Variants in AP3M2 observed in about 807,000 individuals in gnomAD.
The protein encoded by AP3M2 is adaptor related protein complex 3 subunit mu 2, also known as AP-3 complex subunit mu-2.
AP3M2 carries 28 observed loss-of-function variants against 41.6 expected under a neutral mutation model. The ratio of observed to expected loss-of-function variants is 0.67; its 90% CI spans 0.50 to 0.92. The LOEUF is 0.92. Ranked by LOEUF, AP3M2 falls within the 40% of genes least tolerant of loss-of-function variation. AP3M2 has a pLI of 0.00. For synonymous variants in AP3M2, 193 were observed against 186.4 expected, an observed-to-expected ratio of 1.04 and a Z score of -0.29; for missense variants, 427 against 521.4, an observed-to-expected ratio of 0.82 and a Z score of 1.76.
intron 3 of AP3M2, among the ~76,000 whole-genome samples, chr8:42,159,873 G>A (rs1804458259): frequency 6.6e-6 from 1 of 152,150 alleles, no homozygotes; most frequent in African/African-American, 2.4e-5. Flanking sequence ...GAATTACAAA[G>A]GGGTTGTTGG....
At position 42,165,159 on chromosome 8, in the gene AP3M2, A is replaced by G; in HGVS notation, c.669+3A>G. ...CAGACCTTACACTTTCCTTCATGGTAAAATCCTGGGCCAGAGATTAAGTTC... is the reference window on the plus strand; with the variant it reads ...CAGACCTTACACTTTCCTTCATGGTGAAATCCTGGGCCAGAGATTAAGTTC... On this transcript the variant is annotated splice_donor_region_variant and intron_variant, in intron 5 of 8. Transcript: ENST00000396926. The G allele has an allele frequency of 6.2e-7, 1 of 1,613,078 alleles. No homozygotes were observed.
Position 42,158,536 on chromosome 8 carries a change from A to T in AP3M2, c.445+424A>T, listed in dbSNP as rs191678598. On this transcript the variant is annotated intron_variant, in intron 3 of 8. Transcript: ENST00000396926. ...AGTGCTGGGATTACAGGTGTGAGCC[A>T]CCGCGCCTGGCCCCTCTTGTAGACT... 1.6e-4 allele frequency among the ~76,000 whole-genome samples: 24 copies of T among 152,244 alleles called. No individual in the cohort carries two copies. The East Asian group carries it at 4.1e-3, about 26-fold the overall frequency.
At chr8:42,164,114 G>A (rs974302154) in intron 4 of AP3M2, among the ~76,000 whole-genome samples, 3 of 152,204 alleles carry the variant, frequency 2.0e-5, no homozygotes, top group African/African-American at 7.2e-5. Context: ...AGTGCAATGA[G>A]GACAGAGAGG....
intron 2 of AP3M2, among the ~76,000 whole-genome samples, chr8:42,156,869 T>A (rs569702269): frequency 6.6e-6 from 1 of 152,064 alleles, no homozygotes; most frequent in African/African-American, 2.4e-5. Flanking sequence ...AGAAAAAAAC[T>A]GAGGTGAAAA....
Position 42,170,845 on chromosome 8 carries a change from A to G in AP3M2, c.*1784A>G, listed in dbSNP as rs1291436526. On this transcript the variant is annotated 3_prime_UTR_variant, in exon 9 of 9. Coordinates refer to ENST00000396926, the MANE Select transcript of AP3M2 (RefSeq NM_006803.4). ...AACCTACAGGATTCTAAGGTTTCCT[A>G]GGTCACTGAACAACTAATCTTGGTC... is the stretch of plus-strand genomic sequence containing the variant. 1 of 152,264 alleles carries G rather than the reference A, an allele frequency of 6.6e-6. No individual in the cohort carries two copies. Among genetic ancestry groups the G allele is most frequent in the Non-Finnish European group, 1.5e-5 (1 of 68,054 alleles). The allele number at this position is 152,264 out of a possible 1,614,324, so 9.4% of individuals were successfully genotyped here.
chr8:42,154,280 A>G (rs745355214), intron 1 of AP3M2: 2 of 180,254 alleles, frequency 1.1e-5, no homozygotes, highest in Non-Finnish European at 2.4e-5. Flanking sequence ...TCTTCAAAGA[A>G]CACTGATTGT....
In AP3M2 at chr8:42,158,120, A is replaced by G. The variant is rs79099713; in HGVS notation, c.445+8A>G. 4,236 of 1,611,164 alleles carry G rather than the reference A, an allele frequency of 2.6e-3. 102 individuals carry two copies. The African/African-American group carries it at 0.051, about 19-fold the overall frequency. On this transcript the variant is annotated splice_region_variant and intron_variant, in intron 3 of 8. Transcript: ENST00000396926. ...TTGTCAACACCATCACAGGTACGGC[A>G]GAGGGGGAAACTGATAGATAGTGGC...
chr8:42,154,872 A>G lies in AP3M2; in HGVS notation c.185A>G (p.His62Arg), dbSNP rs200625246. The G allele has an allele frequency of 6.2e-7, 1 of 1,614,148 alleles. No homozygotes were observed. Among genetic ancestry groups the G allele is most frequent in the Non-Finnish European group, 8.5e-7 (1 of 1,180,008 alleles). The stretch of plus-strand genomic sequence containing the variant: ...CACTATCTCTTAAGTGTTTACCGCC[A>G]CAAGATCTTTTTTGTGGCCGTGATC... ...PHHYLLSVYR[H>R]KIFFVAVIQT... The change falls in exon 2 of 9, where the codon CAC becomes CGC. Residue 62 changes from histidine (H) to arginine (R), a missense_variant. Transcript: ENST00000396926.
chr8:42,159,315 G>A, intron 3 of AP3M2, among the ~76,000 whole-genome samples: 1 of 152,178 alleles, frequency 6.6e-6, no homozygotes, highest in East Asian at 1.9e-4. Flanking sequence ...GTAATGTGTT[G>A]CTCTCCAGAA....
At chr8:42,158,479 C>G (rs1253535112) in intron 3 of AP3M2, among the ~76,000 whole-genome samples, 1 of 151,992 alleles carries the variant, frequency 6.6e-6, no homozygotes, top group Non-Finnish European at 1.5e-5. Context: ...GAACTCCTGG[C>G]CTCAGGGGAT....
rs777218689 is a variant in AP3M2, at chr8:42,158,128, A to G, written c.445+16A>G. 9.9e-6 allele frequency: 16 copies of G among 1,609,292 alleles called. No individual in the cohort carries two copies. The highest frequency in any genetic ancestry group is 2.2e-5 in the South Asian group (2 of 90,902). On this transcript the variant is annotated intron_variant, in intron 3 of 8. Coordinates refer to ENST00000396926, the MANE Select transcript of AP3M2 (RefSeq NM_006803.4). ...ACCATCACAGGTACGGCAGAGGGGGAAACTGATAGATAGTGGCCATCCTAC... is the reference window on the plus strand; with the variant it reads ...ACCATCACAGGTACGGCAGAGGGGGGAACTGATAGATAGTGGCCATCCTAC...
Position 42,154,630 on chromosome 8 carries a change from A to T in AP3M2, c.-58A>T, listed in dbSNP as rs970405901. The T allele has an allele frequency of 1.3e-6, 2 of 1,574,700 alleles. No homozygotes were observed. The highest frequency in any genetic ancestry group is 1.7e-6 in the Non-Finnish European group (2 of 1,165,326). On this transcript the variant is annotated 5_prime_UTR_variant, in exon 2 of 9. Transcript: ENST00000396926. ...TTTGTTTTTAGAGTTGAAAACTTAC[A>T]GAGTCCTGAGGCTTTCAGACTGAAA...
intron 7 of AP3M2, 69 bp downstream of exon 7, chr8:42,167,440 G>T: frequency 6.4e-7 from 1 of 1,570,074 alleles, no homozygotes; most frequent in South Asian, 1.1e-5. Context: ...TCTCTGTGTA[G>T]ACTCTAGACC....
chr8:42,156,414 C>T (rs1372362040), intron 2 of AP3M2, among the ~76,000 whole-genome samples: 1 of 152,138 alleles, frequency 6.6e-6, no homozygotes, highest in Non-Finnish European at 1.5e-5. Flanking sequence ...ATGATTTTTC[C>T]AGGACCAGAA....
intron 4 of AP3M2, 103 bp from the exon 5 acceptor site, chr8:42,164,968 A>C: frequency 2.2e-6 from 2 of 917,628 alleles, no homozygotes; most frequent in Non-Finnish European, 3.2e-6. Context: ...AGAGAGAGGA[A>C]GGTGAGGGAG....
chr8:42,162,747 C>T (rs1804539091), intron 4 of AP3M2, among the ~76,000 whole-genome samples: 1 of 151,752 alleles, frequency 6.6e-6, no homozygotes, highest in Non-Finnish European at 1.5e-5. Context: ...GAGTTTAAGA[C>T]CAGCCTGAGC....
intron 4 of AP3M2, among the ~76,000 whole-genome samples, chr8:42,164,121 G>A (rs1454365618): frequency 6.6e-6 from 1 of 152,232 alleles, no homozygotes; most frequent in African/African-American, 2.4e-5. Context: ...TGAGGACAGA[G>A]AGGAATGCAC....
chr8:42,165,273 T>C, intron 5 of AP3M2, 117 bp downstream of exon 5: 1 of 1,434,292 alleles, frequency 7.0e-7, no homozygotes, highest in Non-Finnish European at 9.6e-7. Context: ...CCACGAAGCT[T>C]GTCTCAGGCT....
Position 42,154,938 on chromosome 8 carries a change from A to G in AP3M2, c.251A>G (p.His84Arg). Residue 84 changes from histidine to arginine, a missense_variant, in exon 2 of 9, where the codon CAC becomes CGC. Around this residue, in one of 3 missense-constraint regions of AP3M2, gnomAD observed 86 missense variants for 142.6 expected, o/e 0.60. Coordinates refer to ENST00000396926, the MANE Select transcript of AP3M2 (RefSeq NM_006803.4). Reference protein sequence around the residue: ...VPPLFVIEFLHRVVDTFQDYF... With the variant: ...VPPLFVIEFLRRVVDTFQDYF... ...CCTCTGTTTGTCATTGAGTTTCTTC[A>G]CCGAGTGGTGGACACATTTCAGGTT... 1 of 1,614,014 alleles carries G rather than the reference A, an allele frequency of 6.2e-7. No individual in the cohort carries two copies. The highest frequency in any genetic ancestry group is 8.5e-7 in the Non-Finnish European group (1 of 1,179,984).
Sources: allele counts gnomAD v4.1 joint callset (sites outside exome capture counted in the v4.1 genomes callset), GRCh38; gene constraint gnomAD v4.1.1; regional missense constraint gnomAD v4.1.1; transcripts MANE v1.5; gene names NCBI Gene and HGNC (gene_info 2026-07-23, HGNC 2026-07-21).